Variants in MYRFL observed in about 807,000 individuals in gnomAD.
MYRFL encodes myelin regulatory factor like.
In MYRFL, 88 loss-of-function variants were observed where a neutral mutation model predicts 109.4. The observed-to-expected ratio is 0.80, with a 90% CI of 0.68 to 0.96. The LOEUF is 0.96. Ranked by LOEUF, MYRFL falls within the 40% of genes least tolerant of loss-of-function variation. The probability of loss-of-function intolerance (pLI) is 0.00; values close to 1 mark genes in which losing one functional copy is unlikely to be tolerated. For missense variants in MYRFL, 957 were observed against 954.9 expected, an observed-to-expected ratio of 1.00 and a Z score of -0.03; for synonymous variants, 324 against 320.9, an observed-to-expected ratio of 1.01 and a Z score of -0.10.
intron 1 of MYRFL, among the ~76,000 whole-genome samples, chr12:69,846,420 A>G (rs1322130511): frequency 6.9e-6 from 1 of 145,122 alleles, no homozygotes; most frequent in Non-Finnish European, 1.5e-5. Flanking sequence ...ATTCCCACCT[A>G]TGAGTGAGAA....
At chr12:69,883,915 A>G (rs951264530) in intron 5 of MYRFL, among the ~76,000 whole-genome samples, 6 of 152,076 alleles carry the variant, frequency 3.9e-5, no homozygotes, top group Admixed American at 6.5e-5. Context: ...ATACAAGAGT[A>G]TATATTACAT....
intron 11 of MYRFL, among the ~76,000 whole-genome samples, chr12:69,908,835 T>A (rs1954461941): frequency 6.6e-6 from 1 of 152,172 alleles, no homozygotes; most frequent in Non-Finnish European, 1.5e-5. Flanking sequence ...GGGTCTGTTG[T>A]ACAGATTGTT....
intron 1 of MYRFL, among the ~76,000 whole-genome samples, chr12:69,828,605 A>G (rs868162352): frequency 1.3e-5 from 2 of 152,248 alleles, no homozygotes; most frequent in Middle Eastern, 6.8e-3. Context: ...AACATTGTCA[A>G]TTTCACCTCA....
chr12:69,928,967 T>C (rs1955185801), intron 15 of MYRFL, among the ~76,000 whole-genome samples: 1 of 152,200 alleles, frequency 6.6e-6, no homozygotes, highest in Non-Finnish European at 1.5e-5. Context: ...ATTCTCTTTA[T>C]TTTGCAGTTA....
intron 19 of MYRFL, among the ~76,000 whole-genome samples, chr12:69,938,935 G>A (rs1242920218): frequency 6.6e-6 from 1 of 152,180 alleles, no homozygotes; most frequent in Admixed American, 6.5e-5. Context: ...GGTGACGGAT[G>A]GCACCTGGAA....
chr12:69,872,918 G>A lies in MYRFL; in HGVS notation c.138-6110G>A, dbSNP rs544870507. ...AAGCACTGGAATTAGGTGAGCTACC[G>A]TGCCTGGCCTAATTTCTGCCTTTTA... is the stretch of plus-strand genomic sequence containing the variant. On this transcript the variant is annotated intron_variant, in intron 2 of 24. Transcript: ENST00000552032. Among the ~76,000 whole-genome samples, 11 of 152,252 alleles carry A rather than the reference G, an allele frequency of 7.2e-5. No homozygotes were observed. In the South Asian group the frequency reaches 8.3e-4, roughly 11 times the overall value.
At chr12:69,835,579 A>C (rs1882885732) in intron 1 of MYRFL, among the ~76,000 whole-genome samples, 3 of 152,186 alleles carry the variant, frequency 2.0e-5, no homozygotes, top group Admixed American at 1.3e-4. Context: ...CCTTGTTCCT[A>C]TCTGTGTTCT....
At chr12:69,868,040 G>A (rs1311907966) in intron 2 of MYRFL, among the ~76,000 whole-genome samples, 2 of 151,864 alleles carry the variant, frequency 1.3e-5, no homozygotes, top group Non-Finnish European at 1.5e-5. Context: ...ACTCCAGCTC[G>A]ACTAACTGCC....
In MYRFL at chr12:69,915,396, C is replaced by T. The variant is rs147618567; in HGVS notation, c.1602+4466C>T. ...TTGTAAAGAAATTTTCATTGAAGTT[C>T]GAATGCAAATTAGAAACACTTAGGA... On this transcript the variant is annotated intron_variant, in intron 13 of 24. Transcript: ENST00000552032. Among the ~76,000 whole-genome samples the T allele has an allele frequency of 5.8e-3, 879 of 152,212 alleles. 7 individuals are homozygous for T. The highest frequency in any genetic ancestry group is 8.9e-3 in the Non-Finnish European group (606 of 67,996).
At chr12:69,955,529 G>A in intron 22 of MYRFL, 92 bp downstream of exon 22, 1 of 517,044 alleles carries the variant, frequency 1.9e-6, no homozygotes, top group Non-Finnish European at 3.4e-6. Context: ...GTCGTTAAGA[G>A]GCAGAAAGCT....
intron 13 of MYRFL, among the ~76,000 whole-genome samples, chr12:69,916,073 T>A (rs1046382933): frequency 1.3e-5 from 2 of 152,122 alleles, no homozygotes; most frequent in African/African-American, 4.8e-5. Context: ...TGGCTTAGTA[T>A]GTGGGTACTT....
At chr12:69,915,324 G>A (rs921052894) in intron 13 of MYRFL, among the ~76,000 whole-genome samples, 12 of 152,154 alleles carry the variant, frequency 7.9e-5, no homozygotes, top group African/African-American at 2.4e-4. Flanking sequence ...TGAAGGTACA[G>A]CCTCTCCATT....
chr12:69,945,474 G>A (rs1008857759), intron 19 of MYRFL, among the ~76,000 whole-genome samples: 1 of 152,132 alleles, frequency 6.6e-6, no homozygotes, highest in African/African-American at 2.4e-5. Flanking sequence ...TGCTGTACAG[G>A]TTTGCAGCCA....
intron 2 of MYRFL, among the ~76,000 whole-genome samples, chr12:69,869,129 G>A (rs1885193196): frequency 6.6e-6 from 1 of 152,316 alleles, no homozygotes; most frequent in Non-Finnish European, 1.5e-5. Context: ...TTTATAGTTG[G>A]AGGATGGGGT....
At chr12:69,955,580 A>G in intron 22 of MYRFL, 143 bp downstream of exon 22, 1 of 472,580 alleles carries the variant, frequency 2.1e-6, no homozygotes, top group Non-Finnish European at 3.7e-6. Flanking sequence ...GAGGTGGCCT[A>G]TTTGAAGGAA....
chr12:69,846,106 CTTTTTTTTTTTTT>C (rs60251292), intron 1 of MYRFL, among the ~76,000 whole-genome samples: 1 of 61,732 alleles, frequency 1.6e-5, no homozygotes, highest in Non-Finnish European at 2.7e-5. Context: ...TATTGACTAT[CTTTTTTTTTTTTT>C]TTTTTTTTTT....
chr12:69,936,081 T>G (rs1436635775), intron 16 of MYRFL, 32 bp from the exon 17 acceptor site: 19 of 735,930 alleles, frequency 2.6e-5, no homozygotes, highest in South Asian at 7.4e-5. Flanking sequence ...ACATAATGTT[T>G]TTTTTTTTTT....
chr12:69,911,525 C>A (rs759481563), intron 13 of MYRFL, among the ~76,000 whole-genome samples: 13 of 152,026 alleles, frequency 8.6e-5, no homozygotes, highest in Admixed American at 2.0e-4. Flanking sequence ...TCTCTTAATT[C>A]TTTGATATTC....
chr12:69,851,807 C>T (rs1415881429), intron 1 of MYRFL, among the ~76,000 whole-genome samples: 1 of 152,176 alleles, frequency 6.6e-6, no homozygotes, highest in Admixed American at 6.5e-5. Flanking sequence ...TACAGACACA[C>T]ACCACCATCT....
Sources: allele counts gnomAD v4.1 joint callset (sites outside exome capture counted in the v4.1 genomes callset), GRCh38; gene constraint gnomAD v4.1.1; transcripts MANE v1.5; gene names NCBI Gene and HGNC (gene_info 2026-07-23, HGNC 2026-07-21).